The following GPRASP3 variants were observed in gnomAD, a reference collection of about 807,000 sequenced individuals.
GPRASP3 encodes G protein-coupled receptor associated sorting protein 3.
the GPRASP3 span, among the ~76,000 whole-genome samples, chrX:102,733,652 A>C: frequency 9.5e-6 from 1 of 105,751 alleles, no homozygotes; most frequent in Non-Finnish European, 2.0e-5. Flanking sequence ...CAAAATGTTA[A>C]AAAAAAAAAA....
chrX:102,723,755 G>A, the GPRASP3 span, among the ~76,000 whole-genome samples: 6 of 111,687 alleles, frequency 5.4e-5, no homozygotes, highest in Non-Finnish European at 1.1e-4. Flanking sequence ...GACCAACCAT[G>A]TGATTAAAGG....
At chrX:102,750,544 A>G in the GPRASP3 span, 1 of 1,207,552 alleles carries the variant, frequency 8.3e-7, no homozygotes. Flanking sequence ...AAAGGAGCAT[A>G]TCAGAAAAGG....
At chrX:102,737,289 C>G in the GPRASP3 span, among the ~76,000 whole-genome samples, 1 of 112,073 alleles carries the variant, frequency 8.9e-6, no homozygotes. Context: ...ATAGCCAATA[C>G]TTGTGGTTTT....
chrX:102,747,163 G>A, the GPRASP3 span, among the ~76,000 whole-genome samples: 10 of 112,117 alleles, frequency 8.9e-5, no homozygotes, highest in African/African-American at 3.2e-4. Context: ...AAGAATTCAT[G>A]GCATTTCTGA....
At chrX:102,723,082 C>T in the GPRASP3 span, among the ~76,000 whole-genome samples, 1 of 110,248 alleles carries the variant, frequency 9.1e-6, no homozygotes, top group Non-Finnish European at 1.9e-5. Context: ...TAATTTATAC[C>T]CCATAAATAT....
the GPRASP3 span, chrX:102,749,185 A>G: frequency 8.3e-7 from 1 of 1,212,064 alleles, no homozygotes; most frequent in South Asian, 1.8e-5. Flanking sequence ...AGTGTCTAAG[A>G]ACAAGGTTGT....
At chrX:102,750,327 T>C in the GPRASP3 span, 4 of 1,210,333 alleles carry the variant, frequency 3.3e-6, no homozygotes, top group Non-Finnish European at 4.5e-6. Context: ...TTGTTGCCAA[T>C]TACTTTTCAG....
At chrX:102,738,413 G>A in the GPRASP3 span, among the ~76,000 whole-genome samples, 3 of 112,102 alleles carry the variant, frequency 2.7e-5, no homozygotes, top group African/African-American at 9.7e-5. Flanking sequence ...ATACTGGAGT[G>A]AACAGTGAGC....
the GPRASP3 span, chrX:102,747,899 AT>A: frequency 8.9e-6 from 1 of 111,901 alleles, no homozygotes; most frequent in South Asian, 3.8e-4. Flanking sequence ...AAAACTATTC[AT>A]TTGGATTCAA....
chrX:102,751,949 A>ATT, the GPRASP3 span: 877 of 92,747 alleles, frequency 9.5e-3, 14 homozygotes, highest in African/African-American at 0.037. Context: ...TCATACCTTA[A>ATT]TTTTTTTTTT....
the GPRASP3 span, among the ~76,000 whole-genome samples, chrX:102,743,336 T>C: frequency 2.7e-5 from 3 of 111,781 alleles, no homozygotes; most frequent in East Asian, 8.4e-4. Context: ...ATACTTATAA[T>C]GCACACTTTC....
the GPRASP3 span, among the ~76,000 whole-genome samples, chrX:102,731,172 G>A: frequency 8.9e-6 from 1 of 112,913 alleles, no homozygotes; most frequent in Non-Finnish European, 1.9e-5. Context: ...ACACCTAAGT[G>A]TTACCACTGG....
At chrX:102,747,111 C>T in the GPRASP3 span, among the ~76,000 whole-genome samples, 1 of 112,074 alleles carries the variant, frequency 8.9e-6, no homozygotes, top group Non-Finnish European at 1.9e-5. Flanking sequence ...TCCAGCCACT[C>T]CTCACAGACC....
At chrX:102,748,675 G>A in the GPRASP3 span, 1 of 200,102 alleles carries the variant, frequency 5.0e-6, no homozygotes, top group Non-Finnish European at 9.3e-6. Flanking sequence ...AAGACTCAAA[G>A]CCAGTTTCTT....
chrX:102,743,172 A>T, the GPRASP3 span, among the ~76,000 whole-genome samples: 1 of 107,843 alleles, frequency 9.3e-6, no homozygotes, highest in Non-Finnish European at 1.9e-5. Context: ...ATGGTGAGGG[A>T]TGTATGTAGC....
the GPRASP3 span, among the ~76,000 whole-genome samples, chrX:102,741,406 G>C: frequency 8.9e-6 from 1 of 111,851 alleles, no homozygotes; most frequent in Non-Finnish European, 1.9e-5. Context: ...AAAGTTATAT[G>C]CATGCCCATC....
the GPRASP3 span, among the ~76,000 whole-genome samples, chrX:102,738,149 A>T: frequency 8.9e-6 from 1 of 111,860 alleles, no homozygotes; most frequent in Non-Finnish European, 1.9e-5. Flanking sequence ...GGAAATTAAA[A>T]TTTTCCCAGT....
At chrX:102,747,126 C>T in the GPRASP3 span, among the ~76,000 whole-genome samples, 1 of 112,188 alleles carries the variant, frequency 8.9e-6, no homozygotes, top group Non-Finnish European at 1.9e-5. Flanking sequence ...CAGACCCTCT[C>T]ATTTTGGTGC....
chrX:102,727,982 A>G, the GPRASP3 span, among the ~76,000 whole-genome samples: 1 of 111,094 alleles, frequency 9.0e-6, no homozygotes, highest in Non-Finnish European at 1.9e-5. Context: ...GGTACTCCCA[A>G]CTCTTCTGTA....
Sources: allele counts gnomAD v4.1 joint callset (sites outside exome capture counted in the v4.1 genomes callset), GRCh38; gene constraint gnomAD v4.1.1; transcripts MANE v1.5; gene names NCBI Gene and HGNC (gene_info 2026-07-23, HGNC 2026-07-21).